PRSS38: variants seen among roughly 807,000 people sequenced by gnomAD.
PRSS38 encodes the protein serine protease 38, also known as marapsin 2.
A neutral mutation model predicts 26.8 loss-of-function variants in PRSS38; 22 were observed. The ratio of observed to expected loss-of-function variants is 0.82; its 90% CI spans 0.59 to 1.17. The LOEUF (loss-of-function observed/expected upper bound fraction) is 1.17, where lower values mean the gene tolerates loss of function less well. Among genes scored for constraint, PRSS38 ranks in the 50% most tolerant of loss-of-function variants. The pLI is 0.00. For synonymous variants in PRSS38, 175 were observed against 172.1 expected, an observed-to-expected ratio of 1.02 and a Z score of -0.13; for missense variants, 427 against 422.7, an observed-to-expected ratio of 1.01 and a Z score of -0.09.
intron 3 of PRSS38, among the ~76,000 whole-genome samples, chr1:227,825,465 C>T (rs1377117661): frequency 2.0e-5 from 3 of 152,216 alleles, no homozygotes; most frequent in Non-Finnish European, 4.4e-5. Context: ...GCTGTGATTA[C>T]AGGCGTAAGC....
At chr1:227,829,213 A>G (rs1368464499) in intron 3 of PRSS38, among the ~76,000 whole-genome samples, 4 of 152,098 alleles carry the variant, frequency 2.6e-5, no homozygotes, top group Middle Eastern at 3.4e-3. Context: ...GCTGCTTCCA[A>G]TTGGCCATTT....
intron 3 of PRSS38, among the ~76,000 whole-genome samples, chr1:227,819,294 C>G (rs933342719): frequency 7.9e-5 from 12 of 152,136 alleles, no homozygotes; most frequent in Non-Finnish European, 1.3e-4. Context: ...CTTAACCAAA[C>G]TTTTCTAATT....
intron 3 of PRSS38, among the ~76,000 whole-genome samples, chr1:227,817,862 T>C (rs937732192): frequency 6.6e-6 from 1 of 152,224 alleles, no homozygotes; most frequent in African/African-American, 2.4e-5. Context: ...CTGGGCACTT[T>C]ACAATATTTA....
At chr1:227,818,675 C>CAAAAAAAAA (rs71180764) in intron 3 of PRSS38, among the ~76,000 whole-genome samples, 1 of 61,068 alleles carries the variant, frequency 1.6e-5, no homozygotes, top group Non-Finnish European at 2.9e-5. Flanking sequence ...GACCTTCTCT[C>CAAAAAAAAA]AAAAAAAAAA....
intron 3 of PRSS38, among the ~76,000 whole-genome samples, chr1:227,835,973 C>T (rs560957083): frequency 5.8e-4 from 88 of 152,238 alleles, no homozygotes; most frequent in African/African-American, 2.0e-3. Context: ...TGTGGTGGCT[C>T]ATGCTTGCAA....
chr1:227,829,082 C>A (rs925359106), intron 3 of PRSS38, among the ~76,000 whole-genome samples: 10 of 152,324 alleles, frequency 6.6e-5, no homozygotes, highest in Non-Finnish European at 1.5e-4. Flanking sequence ...TGCCTTTCTT[C>A]ATTCTCTATG....
chr1:227,830,873 G>A (rs1003636697), intron 3 of PRSS38, among the ~76,000 whole-genome samples: 4 of 151,994 alleles, frequency 2.6e-5, no homozygotes, highest in African/African-American at 4.8e-5. Flanking sequence ...ATTTCTAAAA[G>A]GATAGTAGTA....
At chr1:227,815,986 TTCCCTTCCTCCTGTGTCCCCTGCCC>T in intron 1 of PRSS38, 79 bp from the exon 2 acceptor site, 2 of 1,363,138 alleles carry the variant, frequency 1.5e-6, no homozygotes, top group Non-Finnish European at 2.0e-6. Flanking sequence ...GTCCCCTGCC[TTCCCTTCCTCCTGTGTCCCCTGCCC>T]CTCCCCCACG....
intron 4 of PRSS38, 25 bp from the exon 5 acceptor site, chr1:227,845,929 C>T: frequency 6.2e-7 from 1 of 1,612,476 alleles, no homozygotes. Flanking sequence ...TCCCAGTTCA[C>T]AAAAAACTCC....
intron 3 of PRSS38, among the ~76,000 whole-genome samples, chr1:227,825,977 G>A (rs1665068158): frequency 6.6e-6 from 1 of 152,148 alleles, no homozygotes; most frequent in East Asian, 1.9e-4. Flanking sequence ...TAGGCAATAT[G>A]GTCATTTTCA....
rs1463024343 is a variant in PRSS38 at position 227,836,447 on chromosome 1, G to C, written c.584-9023G>C. 1.0e-3 allele frequency among the ~76,000 whole-genome samples: 4 copies of C among 3,942 alleles called. 2 individuals carry two copies. The highest frequency in any genetic ancestry group is 4.3e-3 in the Non-Finnish European group (4 of 930). The allele number at this position is 3,942 out of a possible 152,430, so 2.6% of individuals were successfully genotyped here. ...TCACGCCTGTAATCCCAGCACTTTG[G>C]GAGGCCGAGGCGGGCGGATCACGAG... On this transcript the variant is annotated intron_variant, in intron 3 of 4. Transcript: ENST00000366757.
At position 227,823,701 on chromosome 1, in the gene PRSS38, C is replaced by T. The variant is rs116266433; in HGVS notation, c.583+6221C>T. On this transcript the variant is annotated intron_variant, in intron 3 of 4. Coordinates refer to ENST00000366757, the Ensembl canonical transcript of PRSS38. Reference sequence around the variant, plus strand: ...CTTCCTCTTGCATCATATGACATGCCTGCTTCCCTTTCACCTTCTTCCCTG... The same window carrying T: ...CTTCCTCTTGCATCATATGACATGCTTGCTTCCCTTTCACCTTCTTCCCTG... Among the ~76,000 whole-genome samples, 476 of 152,294 alleles carry T rather than the reference C, an allele frequency of 3.1e-3. 2 individuals are homozygous for T. The highest frequency in any genetic ancestry group is 0.011 in the African/African-American group (438 of 41,554).
At chr1:227,845,411 G>A (rs1037628034) in intron 3 of PRSS38, 59 bp from the exon 4 acceptor site, 12 of 1,286,088 alleles carry the variant, frequency 9.3e-6, no homozygotes, top group Non-Finnish European at 1.3e-5. Context: ...GTGGGGCAGG[G>A]ATCCCCCCAC....
chr1:227,819,861 C>T (rs1664975708), intron 3 of PRSS38, among the ~76,000 whole-genome samples: 1 of 151,974 alleles, frequency 6.6e-6, no homozygotes, highest in Admixed American at 6.6e-5. Context: ...GAGGCCAAGG[C>T]GGGCGGTTCA....
At chr1:227,846,139 T>A (rs1297980143) in exon 5 of PRSS38, 3 of 1,613,948 alleles carry the variant, frequency 1.9e-6, no homozygotes, top group South Asian at 1.1e-5. Context: ...CAGCCCCTGC[T>A]CTCTCTCCAG....
At chr1:227,820,242 A>T (rs1455382084) in intron 3 of PRSS38, among the ~76,000 whole-genome samples, 1 of 151,538 alleles carries the variant, frequency 6.6e-6, no homozygotes, top group Non-Finnish European at 1.5e-5. Context: ...GGATCATGTC[A>T]TCTATGAATA....
chr1:227,829,720 CTG>C (rs1665124935), intron 3 of PRSS38, among the ~76,000 whole-genome samples: 1 of 152,152 alleles, frequency 6.6e-6, no homozygotes, highest in Non-Finnish European at 1.5e-5. Flanking sequence ...TTGTAATTCA[CTG>C]TGAGTTTTTT....
At position 227,816,068 on chromosome 1, in the gene PRSS38, G is replaced by T. The variant is rs548768675; in HGVS notation, c.149-22G>T. On this transcript the variant is annotated intron_variant, in intron 1 of 4. Transcript: ENST00000366757. This position sits in a 1 kb window ranked among gnomAD's most constrained non-coding sequence, Gnocchi z 5.1. Reference sequence around the variant, plus strand: ...CCCGTGGCCCCAGCATGGCTCCACCGTCAGCTCCGTTCTCCCTGCAGCCTG... The same window carrying T: ...CCCGTGGCCCCAGCATGGCTCCACCTTCAGCTCCGTTCTCCCTGCAGCCTG... The T allele has an allele frequency of 1.3e-6, 2 of 1,556,180 alleles. No homozygotes were observed. Among genetic ancestry groups the T allele is most frequent in the South Asian group, 1.1e-5 (1 of 89,354 alleles).
At chr1:227,819,921 T>C (rs1664977180) in intron 3 of PRSS38, among the ~76,000 whole-genome samples, 1 of 151,978 alleles carries the variant, frequency 6.6e-6, no homozygotes, top group African/African-American at 2.4e-5. Context: ...AAACCCCGTC[T>C]CTACTAAAAA....
Sources: gnomAD v4.1 joint callset for allele counts (sites outside exome capture counted in the v4.1 genomes callset) on GRCh38, gnomAD v4.1.1 for gene constraint, Gnocchi (gnomAD v3.1) non-coding constraint, MANE v1.5 for transcripts, NCBI Gene and HGNC (gene_info 2026-07-23, HGNC 2026-07-21) for gene names.